CDH13: variants seen among roughly 807,000 people sequenced by gnomAD.
The protein encoded by CDH13 is cadherin-13.
A neutral mutation model predicts 63.8 loss-of-function variants in CDH13; 24 were observed. That is an observed-to-expected ratio of 0.38 (90% CI 0.27 to 0.53). The LOEUF is 0.53. Ranked by LOEUF, CDH13 falls within the 20% of genes least tolerant of loss-of-function variation. The pLI is 0.85. For synonymous variants in CDH13, 503 were observed against 355.3 expected, an observed-to-expected ratio of 1.42 and a Z score of -4.67; for missense variants, 1,049 against 903.1, an observed-to-expected ratio of 1.16 and a Z score of -2.07.
chr16:83,730,262 A>G lies in CDH13; in HGVS notation c.1539-17846A>G, dbSNP rs564343542. On this transcript the variant is annotated intron_variant, in intron 10 of 13. Transcript: ENST00000567109. ...TTCTAAGGCCCTCTCTCAGATCTTC[A>G]CAATGCAAATCTGAGTATTAAAGGC... Among the ~76,000 whole-genome samples, 4 of 152,354 alleles carry G rather than the reference A, an allele frequency of 2.6e-5. No homozygotes were observed. In the South Asian group the frequency reaches 8.3e-4, roughly 32 times the overall value.
Position 83,395,739 on chromosome 16 carries a change from C to T in CDH13, c.781+50733C>T, listed in dbSNP as rs564303875. ...TGGTTGAAACTGAAGGCGGCTGAAA[C>T]CTGAATTCTAATTAATTTCTTTGTG... On this transcript the variant is annotated intron_variant, in intron 6 of 13. Transcript: ENST00000567109. Among the ~76,000 whole-genome samples, 3 of 152,232 alleles carry T rather than the reference C, an allele frequency of 2.0e-5. No individual in the cohort carries two copies. In the East Asian group the frequency reaches 5.8e-4, roughly 29 times the overall value.
chr16:82,696,580 C>G (rs62036336), intron 1 of CDH13, among the ~76,000 whole-genome samples: 7,572 of 152,162 alleles, frequency 0.05, 219 homozygotes, highest in South Asian at 0.11. Context: ...ATCAGAATGC[C>G]CATAGCTCAT....
At chr16:83,598,519 G>A (rs188745000) in intron 7 of CDH13, among the ~76,000 whole-genome samples, 1 of 152,280 alleles carries the variant, frequency 6.6e-6, no homozygotes. Context: ...CTATTGTATG[G>A]TGTGATAGCT....
At chr16:83,072,547 G>T (rs2032517186) in intron 3 of CDH13, among the ~76,000 whole-genome samples, 1 of 152,182 alleles carries the variant, frequency 6.6e-6, no homozygotes. Context: ...ATGTTTGTGT[G>T]TTTTTGTCAA....
intron 1 of CDH13, among the ~76,000 whole-genome samples, chr16:82,656,136 G>C (rs531846718): frequency 5.5e-4 from 83 of 152,288 alleles, no homozygotes; most frequent in Non-Finnish European, 9.6e-4. Context: ...GATGACATAT[G>C]AGCTGAGACT....
chr16:83,347,243 A>G (rs948392174), intron 6 of CDH13, among the ~76,000 whole-genome samples: 1 of 152,104 alleles, frequency 6.6e-6, no homozygotes, highest in Non-Finnish European at 1.5e-5. Flanking sequence ...CTGGCTATAA[A>G]AATGATCGTC....
rs566508942 is a variant in CDH13, at chr16:83,686,175, C to T, written c.1538+7714C>T. ...CGCCGGAGCTTCCTCCGTACCACTGCGCCTACTGCTGATGTTGGCTTAAGG... is the reference window on the plus strand; with the variant it reads ...CGCCGGAGCTTCCTCCGTACCACTGTGCCTACTGCTGATGTTGGCTTAAGG... On this transcript the variant is annotated intron_variant, in intron 10 of 13. Coordinates refer to ENST00000567109, the MANE Select transcript of CDH13 (RefSeq NM_001257.5). Among the ~76,000 whole-genome samples, 5 of 152,324 alleles carry T rather than the reference C, an allele frequency of 3.3e-5. No individual in the cohort carries two copies. In the South Asian group the frequency reaches 6.2e-4, roughly 19 times the overall value.
chr16:83,101,435 C>T (rs560081761), intron 3 of CDH13, among the ~76,000 whole-genome samples: 65 of 143,272 alleles, frequency 4.5e-4, no homozygotes, highest in Non-Finnish European at 7.9e-4. Flanking sequence ...TGTGATATTG[C>T]CAAAAAAAAA....
chr16:82,639,475 C>T (rs942885936), intron 1 of CDH13: 12 of 1,511,178 alleles, frequency 7.9e-6, no homozygotes, highest in African/African-American at 1.4e-5. Flanking sequence ...GGTAAATTTG[C>T]CTGCTGCTGT....
intron 1 of CDH13, among the ~76,000 whole-genome samples, chr16:82,728,969 T>C (rs2033250737): frequency 6.6e-6 from 1 of 152,202 alleles, no homozygotes; most frequent in South Asian, 2.1e-4. Context: ...AAGAAACCAC[T>C]TTCTTGGCTC....
At chr16:82,852,680 C>T (rs1249565180) in intron 1 of CDH13, among the ~76,000 whole-genome samples, 2 of 152,148 alleles carry the variant, frequency 1.3e-5, no homozygotes, top group Non-Finnish European at 2.9e-5. Context: ...CAAAAGTTGC[C>T]AACTCGAATG....
chr16:82,933,575 C>G (rs1458241870), intron 2 of CDH13, among the ~76,000 whole-genome samples: 1 of 152,140 alleles, frequency 6.6e-6, no homozygotes, highest in Non-Finnish European at 1.5e-5. Context: ...AACAGTTTCC[C>G]AAAGTCGTAA....
At chr16:83,501,850 A>C (rs986319134) in intron 7 of CDH13, among the ~76,000 whole-genome samples, 1 of 152,222 alleles carries the variant, frequency 6.6e-6, no homozygotes, top group African/African-American at 2.4e-5. Flanking sequence ...GGATTTCTGT[A>C]TTCATTGCTC....
chr16:82,667,367 A>G (rs1280242791), intron 1 of CDH13, among the ~76,000 whole-genome samples: 2 of 152,190 alleles, frequency 1.3e-5, no homozygotes, highest in African/African-American at 2.4e-5. Context: ...CCCAAGTGCA[A>G]CTGATTGAGA....
chr16:82,789,568 A>C (rs966273827), intron 1 of CDH13, among the ~76,000 whole-genome samples: 1 of 152,192 alleles, frequency 6.6e-6, no homozygotes, highest in East Asian at 1.9e-4. Flanking sequence ...TTCAAAGGCC[A>C]TTCTGGGCTG....
At chr16:83,587,143 G>A (rs1906244089) in intron 7 of CDH13, among the ~76,000 whole-genome samples, 1 of 152,162 alleles carries the variant, frequency 6.6e-6, no homozygotes, top group Non-Finnish European at 1.5e-5. Context: ...GGAAAATGCT[G>A]ATTAAAAGTA....
chr16:83,514,797 AG>A (rs1315728257), intron 7 of CDH13, among the ~76,000 whole-genome samples: 1 of 152,218 alleles, frequency 6.6e-6, no homozygotes, highest in Non-Finnish European at 1.5e-5. Flanking sequence ...GCTAGGATAG[AG>A]GCCGGGAACA....
intron 1 of CDH13, among the ~76,000 whole-genome samples, chr16:82,809,240 T>C (rs1476347358): frequency 6.6e-6 from 1 of 152,126 alleles, no homozygotes; most frequent in African/African-American, 2.4e-5. Flanking sequence ...TGCCAAGCTA[T>C]TATTACATTA....
chr16:82,894,357 A>G (rs2041178121), intron 2 of CDH13, among the ~76,000 whole-genome samples: 1 of 152,158 alleles, frequency 6.6e-6, no homozygotes, highest in Admixed American at 6.5e-5. Context: ...CTTAACAATA[A>G]TAGGGCAGGC....
Sources: allele counts gnomAD v4.1 joint callset (sites outside exome capture counted in the v4.1 genomes callset), GRCh38; gene constraint gnomAD v4.1.1; transcripts MANE v1.5; gene names NCBI Gene and HGNC (gene_info 2026-07-23, HGNC 2026-07-21).